Variants in PPFIBP2 observed in about 807,000 individuals in gnomAD.
PPFIBP2 encodes the protein PPFIB scaffold protein 2, also known as liprin-beta-2.
A neutral mutation model predicts 118.3 loss-of-function variants in PPFIBP2; 118 were observed. The observed-to-expected ratio is 1.00, with a 90% confidence interval of 0.86 to 1.16. The LOEUF is 1.16. Among genes scored for constraint, PPFIBP2 ranks in the 50% most tolerant of loss-of-function variants. PPFIBP2 has a pLI of 0.00. For synonymous variants in PPFIBP2, 414 were observed against 397.4 expected, an observed-to-expected ratio of 1.04 and a Z score of -0.50; for missense variants, 1,195 against 1,073.1, an observed-to-expected ratio of 1.11 and a Z score of -1.59.
chr11:7,647,584 T>G (rs1258176931), intron 17 of PPFIBP2, among the ~76,000 whole-genome samples: 3 of 152,236 alleles, frequency 2.0e-5, no homozygotes, highest in African/African-American at 7.2e-5. Context: ...TTTAAATTGT[T>G]TTAACAGTAG....
intron 6 of PPFIBP2, among the ~76,000 whole-genome samples, chr11:7,618,060 A>C (rs1468081618): frequency 6.6e-6 from 1 of 152,212 alleles, no homozygotes. Context: ...AGCAGCCATG[A>C]GTACTACAGA....
chr11:7,556,264 G>C (rs12277085), intron 2 of PPFIBP2, among the ~76,000 whole-genome samples: 1 of 152,062 alleles, frequency 6.6e-6, no homozygotes, highest in African/African-American at 2.4e-5. Flanking sequence ...GACCATCCTG[G>C]CTAACACAGT....
chr11:7,606,941 C>T (rs1162699913), intron 5 of PPFIBP2, among the ~76,000 whole-genome samples: 1 of 92,754 alleles, frequency 1.1e-5, no homozygotes, highest in African/African-American at 4.0e-5. Flanking sequence ...GACAGAGTCT[C>T]ACTGTGTCGC....
At chr11:7,564,465 A>G (rs1854718646) in intron 2 of PPFIBP2, among the ~76,000 whole-genome samples, 1 of 152,214 alleles carries the variant, frequency 6.6e-6, no homozygotes, top group African/African-American at 2.4e-5. Context: ...AGAGATATAT[A>G]GGGGATATAA....
downstream of PPFIBP2, among the ~76,000 whole-genome samples, chr11:7,661,047 T>C (rs1411424642): frequency 6.6e-6 from 1 of 152,078 alleles, no homozygotes; most frequent in Non-Finnish European, 1.5e-5. Context: ...TTTTTTTCTT[T>C]ATTAGTTTTG....
At chr11:7,632,966 T>G in intron 12 of PPFIBP2, 32 bp downstream of exon 12, 2 of 1,596,134 alleles carry the variant, frequency 1.3e-6, no homozygotes, top group East Asian at 2.2e-5. Context: ...CCACAGCCAC[T>G]GTGCTCTCAG....
At chr11:7,649,447 G>C (rs1853636375) in intron 20 of PPFIBP2, 85 bp from the exon 21 acceptor site, 1 of 1,556,922 alleles carries the variant, frequency 6.4e-7, no homozygotes, top group African/African-American at 1.4e-5. Context: ...TGGTTGACTT[G>C]TCTATGCTTG....
At chr11:7,621,061 A>C in intron 7 of PPFIBP2, 34 bp downstream of exon 7, 1 of 1,514,858 alleles carries the variant, frequency 6.6e-7, no homozygotes, top group East Asian at 2.3e-5. Context: ...TGGAGAGAGT[A>C]TGAGGGCCTT....
At chr11:7,652,178 C>T (rs542699385) in intron 23 of PPFIBP2, among the ~76,000 whole-genome samples, 24 of 152,370 alleles carry the variant, frequency 1.6e-4, no homozygotes, top group East Asian at 3.9e-4. Flanking sequence ...GGCTTTCCTT[C>T]GGTCAGGCCT....
At chr11:7,650,282 ACT>A (rs1428521035) in intron 21 of PPFIBP2, among the ~76,000 whole-genome samples, 1 of 152,004 alleles carries the variant, frequency 6.6e-6, no homozygotes, top group East Asian at 1.9e-4. Context: ...TGTAAAATTA[ACT>A]CAGCTTCCTG....
chr11:7,593,640 G>A (rs577664587), intron 4 of PPFIBP2, among the ~76,000 whole-genome samples: 9 of 152,324 alleles, frequency 5.9e-5, no homozygotes, highest in African/African-American at 9.6e-5. Context: ...GAATGCTAAT[G>A]AATCAAGTCC....
At chr11:7,603,836 A>G (rs776733979) in intron 5 of PPFIBP2, among the ~76,000 whole-genome samples, 69 of 152,108 alleles carry the variant, frequency 4.5e-4, no homozygotes, top group Admixed American at 1.6e-3. Flanking sequence ...GGTCCATCAC[A>G]GTAAGTAAAA....
intron 18 of PPFIBP2, 79 bp from the exon 19 acceptor site, chr11:7,648,721 C>T (rs1185110694): frequency 6.8e-7 from 1 of 1,472,228 alleles, no homozygotes; most frequent in Non-Finnish European, 9.5e-7. Context: ...CTCAGAGCAT[C>T]TCCACCCAGA....
chr11:7,551,730 T>G (rs1409116222), intron 2 of PPFIBP2, among the ~76,000 whole-genome samples: 5 of 152,246 alleles, frequency 3.3e-5, no homozygotes, highest in Admixed American at 2.0e-4. Context: ...GAATCAGACT[T>G]CTAAAGAAAA....
intron 3 of PPFIBP2, 87 bp downstream of exon 3, chr11:7,565,854 G>A: frequency 1.4e-6 from 2 of 1,417,904 alleles, no homozygotes; most frequent in Non-Finnish European, 1.9e-6. Flanking sequence ...GGGCTGTTGA[G>A]TCATCTGTAT....
intron 5 of PPFIBP2, among the ~76,000 whole-genome samples, chr11:7,600,579 C>G (rs1014260776): frequency 2.0e-5 from 3 of 152,218 alleles, no homozygotes; most frequent in African/African-American, 7.2e-5. Flanking sequence ...TTTCTGCCAG[C>G]CTCAGAAACC....
chr11:7,540,309 G>T (rs1851647253), intron 1 of PPFIBP2, among the ~76,000 whole-genome samples: 1 of 152,174 alleles, frequency 6.6e-6, no homozygotes, highest in Non-Finnish European at 1.5e-5. Context: ...CAGCCACTCT[G>T]ATGGGAGATG....
chr11:7,562,528 C>T (rs1362297093), intron 2 of PPFIBP2, among the ~76,000 whole-genome samples: 4 of 152,236 alleles, frequency 2.6e-5, no homozygotes, highest in Admixed American at 2.0e-4. Context: ...ACAGAGCAAC[C>T]GTGATATAAT....
chr11:7,577,339 G>T lies in PPFIBP2; in HGVS notation c.279+11572G>T, dbSNP rs1038843049. ...TATGTGCGTGTGTGTGTGTGTGTGTGTGTGTGTGTGTGTTTGTTGGGGTGG... is the reference window on the plus strand; with the variant it reads ...TATGTGCGTGTGTGTGTGTGTGTGTTTGTGTGTGTGTGTTTGTTGGGGTGG... On this transcript the variant is annotated intron_variant, in intron 3 of 23. Coordinates refer to ENST00000299492, the MANE Select transcript of PPFIBP2 (RefSeq NM_003621.5). 8.7e-4 allele frequency: 294 copies of T among 338,586 alleles called. 2 individuals carry two copies. The highest frequency in any genetic ancestry group is 1.5e-3 in the Non-Finnish European group (256 of 169,800). 21.0% of individuals were successfully genotyped at this position (338,586 alleles called of 1,614,324 possible).
Sources: gnomAD v4.1 joint callset for allele counts (sites outside exome capture counted in the v4.1 genomes callset) on GRCh38, gnomAD v4.1.1 for gene constraint, MANE v1.5 for transcripts, NCBI Gene and HGNC (gene_info 2026-07-23, HGNC 2026-07-21) for gene names.